The following ARHGEF38 variants were observed in gnomAD, a reference collection of about 807,000 sequenced individuals.
ARHGEF38 encodes Rho guanine nucleotide exchange factor (GEF) 38.
In ARHGEF38, 79 loss-of-function variants were observed where a neutral mutation model predicts 79.9. That is an observed-to-expected ratio of 0.99 (90% CI 0.82 to 1.19). ARHGEF38 has a LOEUF of 1.19. Ranked by LOEUF, ARHGEF38 falls within the 50% of genes most tolerant of loss-of-function variation. The pLI, the probability that ARHGEF38 is intolerant of heterozygous loss-of-function variation, is 0.00. For synonymous variants in ARHGEF38, 366 were observed against 328.3 expected, an observed-to-expected ratio of 1.11 and a Z score of -1.24; for missense variants, 962 against 907.2, an observed-to-expected ratio of 1.06 and a Z score of -0.78.
intron 1 of ARHGEF38, among the ~76,000 whole-genome samples, chr4:105,575,079 T>C (rs1389817543): frequency 6.6e-6 from 1 of 151,880 alleles, no homozygotes; most frequent in African/African-American, 2.4e-5. Context: ...GGCACTTAGG[T>C]TGGCTTCATA....
intron 13 of ARHGEF38, among the ~76,000 whole-genome samples, chr4:105,673,435 TA>T (rs1249107923): frequency 1.3e-5 from 2 of 152,166 alleles, no homozygotes; most frequent in African/African-American, 2.4e-5. Context: ...TTTTGACTTC[TA>T]AAAAAAGTAG....
chr4:105,646,710 A>T (rs746488779), intron 6 of ARHGEF38, among the ~76,000 whole-genome samples: 37 of 152,310 alleles, frequency 2.4e-4, no homozygotes, highest in Non-Finnish European at 4.0e-4. Context: ...TAAAAAAGAC[A>T]CATTAATCCA....
Position 105,679,681 on chromosome 4 carries a change from G to A in ARHGEF38, c.*1744G>A, listed in dbSNP as rs10516522. The A allele has an allele frequency of 0.091, 71,681 of 790,794 alleles. 4,805 individuals are homozygous for A. The highest frequency in any genetic ancestry group is 0.28 in the African/African-American group (16,675 of 58,778). The allele number at this position is 790,794 out of a possible 1,614,324, so 49.0% of individuals were successfully genotyped here. On this transcript the variant is annotated 3_prime_UTR_variant, in exon 14 of 14. Coordinates refer to ENST00000420470, the MANE Select transcript of ARHGEF38 (RefSeq NM_001242729.2). Reference sequence around the variant, plus strand: ...GCTTTTAAATTTAACTAAATCCATTGTAGAAGGAACACCTACACATTTAAA... The same window carrying A: ...GCTTTTAAATTTAACTAAATCCATTATAGAAGGAACACCTACACATTTAAA...
chr4:105,588,498 G>A (rs889831662), intron 1 of ARHGEF38, among the ~76,000 whole-genome samples: 3 of 152,184 alleles, frequency 2.0e-5, no homozygotes, highest in East Asian at 1.9e-4. Flanking sequence ...TGGGGAGCTC[G>A]TCCTTGAAGA....
At chr4:105,572,923 G>A (rs545360403) in intron 1 of ARHGEF38, among the ~76,000 whole-genome samples, 3 of 152,090 alleles carry the variant, frequency 2.0e-5, no homozygotes, top group Non-Finnish European at 4.4e-5. Context: ...AAATATATTA[G>A]CCATCCTTAT....
intron 1 of ARHGEF38, chr4:105,561,504 A>AGAATAGAATGGAATGGAATG (rs1725611851): frequency 9.0e-6 from 1 of 111,298 alleles, no homozygotes. Flanking sequence ...AGAATAGAAT[A>AGAATAGAATGGAATGGAATG]GAATAGAATA....
Sources: gnomAD v4.1 joint callset for allele counts (sites outside exome capture counted in the v4.1 genomes callset) on GRCh38, gnomAD v4.1.1 for gene constraint, MANE v1.5 for transcripts, NCBI Gene and HGNC (gene_info 2026-07-23, HGNC 2026-07-21) for gene names.